TANGO6: variants seen among roughly 807,000 people sequenced by gnomAD.
The protein encoded by TANGO6 is transport and Golgi organization protein 6 homolog.
In TANGO6, 90 loss-of-function variants were observed where a neutral mutation model predicts 114.2. That is an observed-to-expected ratio of 0.79 (90% CI 0.66 to 0.94). The LOEUF (loss-of-function observed/expected upper bound fraction) is 0.94. TANGO6 is among the 40% of genes least tolerant of loss of function. The probability of loss-of-function intolerance (pLI) is 0.00; values close to 1 mark genes in which losing one functional copy is unlikely to be tolerated. For synonymous variants in TANGO6, 477 were observed against 509.8 expected, an observed-to-expected ratio of 0.94 and a Z score of 0.87; for missense variants, 1,274 against 1,315.3, an observed-to-expected ratio of 0.97 and a Z score of 0.49.
chr16:69,012,706 G>T (rs1964154997), intron 15 of TANGO6, among the ~76,000 whole-genome samples: 1 of 152,050 alleles, frequency 6.6e-6, no homozygotes, highest in Admixed American at 6.5e-5. Context: ...TGGTGTGGGG[G>T]AATTTGGAAA....
In TANGO6 at chr16:69,027,724, C is replaced by G. The variant is rs151259135; in HGVS notation, c.2994+4745C>G. ...GTCTCTTCACATAACCCAAACCAAA[C>G]TGAACTGTAAACTGTGTACTAAAAC... On this transcript the variant is annotated intron_variant, in intron 16 of 17. Coordinates refer to ENST00000261778, the MANE Select transcript of TANGO6 (RefSeq NM_024562.2). 4.0e-4 allele frequency among the ~76,000 whole-genome samples: 60 copies of G among 151,832 alleles called. 1 individual carries two copies. The highest frequency in any genetic ancestry group is 1.4e-3 in the African/African-American group (56 of 41,428).
At chr16:68,882,969 G>C (rs1268734772) in intron 7 of TANGO6, among the ~76,000 whole-genome samples, 3 of 152,164 alleles carry the variant, frequency 2.0e-5, no homozygotes, top group Non-Finnish European at 4.4e-5. Context: ...AGTGAGCCGA[G>C]ATTGTGCCAC....
At chr16:69,052,192 C>A (rs1959960815) in intron 17 of TANGO6, among the ~76,000 whole-genome samples, 1 of 151,674 alleles carries the variant, frequency 6.6e-6, no homozygotes, top group Non-Finnish European at 1.5e-5. Flanking sequence ...CTCAAGCAAT[C>A]CTGCCACCTT....
chr16:69,040,805 C>G (rs1959761525), intron 17 of TANGO6, among the ~76,000 whole-genome samples: 2 of 152,054 alleles, frequency 1.3e-5, no homozygotes, highest in Non-Finnish European at 2.9e-5. Flanking sequence ...ACTAAAGGGC[C>G]TCATTGAAGA....
chr16:69,083,481 G>C lies in TANGO6; in HGVS notation c.3109-4G>C. ...AGGCGGTCATGGCTGTCTCTCTCATGCAGGTGCTGAGCGCCGTCCTCAAGG... is the reference window on the plus strand; with the variant it reads ...AGGCGGTCATGGCTGTCTCTCTCATCCAGGTGCTGAGCGCCGTCCTCAAGG... On this transcript the variant is annotated splice_polypyrimidine_tract_variant and splice_region_variant and intron_variant, in intron 17 of 17. Coordinates refer to ENST00000261778, the MANE Select transcript of TANGO6 (RefSeq NM_024562.2). 1 of 1,606,320 alleles carries C rather than the reference G, an allele frequency of 6.2e-7. No homozygotes were observed. Among genetic ancestry groups the C allele is most frequent in the South Asian group, 1.1e-5 (1 of 89,754 alleles).
At chr16:68,908,974 C>A (rs1962887588) in intron 10 of TANGO6, among the ~76,000 whole-genome samples, 1 of 152,084 alleles carries the variant, frequency 6.6e-6, no homozygotes, top group South Asian at 2.1e-4. Flanking sequence ...TATATTGATA[C>A]CCATATAAAT....
intron 8 of TANGO6, among the ~76,000 whole-genome samples, chr16:68,901,992 C>T (rs528314967): frequency 2.7e-5 from 4 of 149,504 alleles, no homozygotes; most frequent in Admixed American, 2.0e-4. Flanking sequence ...GATTTTTATC[C>T]GTGTATACTT....
At chr16:68,900,211 A>G in intron 7 of TANGO6, 1 of 548,568 alleles carries the variant, frequency 1.8e-6, no homozygotes, top group Non-Finnish European at 3.2e-6. Flanking sequence ...TAGGGACTGC[A>G]CACATGAAAT....
chr16:68,916,941 G>A (rs550144646), intron 11 of TANGO6, among the ~76,000 whole-genome samples: 8 of 152,028 alleles, frequency 5.3e-5, no homozygotes, highest in Non-Finnish European at 1.2e-4. Flanking sequence ...GTTTACACTA[G>A]GGCTCACTCT....
intron 5 of TANGO6, among the ~76,000 whole-genome samples, chr16:68,876,795 C>T (rs773282575): frequency 4.0e-5 from 6 of 151,794 alleles, no homozygotes; most frequent in Admixed American, 6.6e-5. Flanking sequence ...CACTCCAGCC[C>T]GGGTGACAGA....
chr16:68,997,877 T>C (rs1157586641), intron 15 of TANGO6, among the ~76,000 whole-genome samples: 2 of 152,210 alleles, frequency 1.3e-5, no homozygotes, highest in Admixed American at 6.5e-5. Flanking sequence ...CTGTAACTTC[T>C]TCAGGCTGAA....
chr16:68,945,887 T>C (rs1440898871), intron 14 of TANGO6, among the ~76,000 whole-genome samples: 2 of 152,220 alleles, frequency 1.3e-5, no homozygotes, highest in African/African-American at 4.8e-5. Flanking sequence ...GGTTTAGCCA[T>C]GTTGGCCAGG....
intron 17 of TANGO6, among the ~76,000 whole-genome samples, chr16:69,078,969 C>T (rs1388028574): frequency 6.7e-6 from 1 of 149,692 alleles, no homozygotes; most frequent in Non-Finnish European, 1.5e-5. Flanking sequence ...GTCTCGAACT[C>T]CTGAGCTCAG....
Position 68,880,529 on chromosome 16 carries a change from T to A in TANGO6, c.1295-19T>A. On this transcript the variant is annotated intron_variant, in intron 6 of 17. Coordinates refer to ENST00000261778, the MANE Select transcript of TANGO6 (RefSeq NM_024562.2). The stretch of plus-strand genomic sequence containing the variant: ...AGTGAGGCACTAAATATGGGTAATT[T>A]TGTGTGTTTATTTTCTAGAGCTTTC... 6.2e-7 allele frequency: 1 copy of A among 1,600,572 alleles called. No individual in the cohort carries two copies. Among genetic ancestry groups the A allele is most frequent in the East Asian group, 2.2e-5 (1 of 44,672 alleles).
intron 9 of TANGO6, among the ~76,000 whole-genome samples, chr16:68,903,594 G>C (rs1026229403): frequency 2.9e-4 from 41 of 143,112 alleles, no homozygotes; most frequent in Non-Finnish European, 4.4e-4. Flanking sequence ...CTCCAGCCTG[G>C]GCAACAGGGC....
intron 15 of TANGO6, among the ~76,000 whole-genome samples, chr16:69,006,186 C>T (rs9931163): frequency 0.031 from 4,770 of 152,014 alleles, 263 homozygotes; most frequent in African/African-American, 0.11. Context: ...GGCAGATCAC[C>T]GAAGAATCCA....
chr16:68,958,434 A>G (rs1035002191), intron 14 of TANGO6, among the ~76,000 whole-genome samples: 1 of 143,296 alleles, frequency 7.0e-6, no homozygotes, highest in Admixed American at 7.1e-5. Context: ...GGTTGCAGTG[A>G]GCTGAGATCG....
At chr16:68,901,777 C>T (rs945265783) in intron 8 of TANGO6, among the ~76,000 whole-genome samples, 6 of 152,236 alleles carry the variant, frequency 3.9e-5, no homozygotes, top group African/African-American at 1.4e-4. Context: ...CGTGAGCCAC[C>T]GCACCTGGCC....
intron 15 of TANGO6, among the ~76,000 whole-genome samples, chr16:69,013,143 CAT>C (rs1959227654): frequency 6.6e-6 from 1 of 150,706 alleles, no homozygotes; most frequent in South Asian, 2.1e-4. Context: ...TAGGTTAGCA[CAT>C]ATACTAAGAT....
Sources: allele counts gnomAD v4.1 joint callset (sites outside exome capture counted in the v4.1 genomes callset), GRCh38; gene constraint gnomAD v4.1.1; transcripts MANE v1.5; gene names NCBI Gene and HGNC (gene_info 2026-07-23, HGNC 2026-07-21).